The following RBFOX3 variants were observed in gnomAD, a reference collection of about 807,000 sequenced individuals.
RBFOX3 encodes RNA binding fox-1 homolog 3.
RBFOX3 carries 17 observed loss-of-function variants against 48.7 expected under a neutral mutation model. That is an observed-to-expected ratio of 0.35 (90% CI 0.24 to 0.52). The LOEUF (loss-of-function observed/expected upper bound fraction) is 0.52. Ranked by LOEUF, RBFOX3 falls within the 20% of genes least tolerant of loss-of-function variation. RBFOX3 has a pLI of 0.94. For missense variants in RBFOX3, 382 were observed against 497.5 expected (o/e 0.77, Z 2.21); for synonymous variants, 212 against 209.5 (o/e 1.01, Z -0.10).
At chr17:79,279,948 T>C (rs2069869043) in intron 3 of RBFOX3, among the ~76,000 whole-genome samples, 1 of 152,208 alleles carries the variant, frequency 6.6e-6, no homozygotes, top group African/African-American at 2.4e-5. Flanking sequence ...TGTCTGTGTG[T>C]GTGCCTGGTG....
chr17:79,664,465 G>A, the RBFOX3 span, among the ~76,000 whole-genome samples: 1 of 151,636 alleles, frequency 6.6e-6, no homozygotes, highest in African/African-American at 2.4e-5. Context: ...TCCTGCCTCA[G>A]GCTCCCGAGT....
At chr17:79,588,189 C>T (rs1033850746) in intron 1 of RBFOX3, among the ~76,000 whole-genome samples, 11 of 152,164 alleles carry the variant, frequency 7.2e-5, no homozygotes, top group Non-Finnish European at 2.9e-5. Flanking sequence ...GTTGCTGGAG[C>T]TGGACCATGC....
chr17:79,453,059 G>A (rs1488561481), intron 2 of RBFOX3, among the ~76,000 whole-genome samples: 1 of 152,244 alleles, frequency 6.6e-6, no homozygotes, highest in Non-Finnish European at 1.5e-5. Flanking sequence ...CCTCCCTCAG[G>A]AGATTGCTTT....
intron 2 of RBFOX3, among the ~76,000 whole-genome samples, chr17:79,456,696 G>C (rs560535664): frequency 1.3e-5 from 2 of 152,098 alleles, no homozygotes; most frequent in Non-Finnish European, 2.9e-5. Flanking sequence ...TCAGACCCCC[G>C]GGAGTTCCCA....
At chr17:79,235,508 T>G (rs1371215118) in intron 4 of RBFOX3, 1 of 152,908 alleles carries the variant, frequency 6.5e-6, no homozygotes, top group Non-Finnish European at 1.5e-5. Flanking sequence ...ATTTATCCAT[T>G]TCCCTTTCAG....
At chr17:79,370,325 G>A (rs763440061) in intron 2 of RBFOX3, among the ~76,000 whole-genome samples, 3 of 152,182 alleles carry the variant, frequency 2.0e-5, no homozygotes, top group African/African-American at 7.2e-5. Context: ...CCCAGTGCCT[G>A]AGCCCCACCC....
intron 1 of RBFOX3, among the ~76,000 whole-genome samples, chr17:79,572,838 C>T (rs1049457662): frequency 1.3e-5 from 2 of 152,176 alleles, no homozygotes; most frequent in African/African-American, 4.8e-5. Flanking sequence ...AGGCTGGCCA[C>T]CCGTGCTGCC....
chr17:79,107,391 C>T (rs750238754), intron 5 of RBFOX3, among the ~76,000 whole-genome samples: 4 of 152,374 alleles, frequency 2.6e-5, no homozygotes, highest in Non-Finnish European at 5.9e-5. Flanking sequence ...TCCTCTATAG[C>T]CCCCATTTGG....
intron 1 of RBFOX3, among the ~76,000 whole-genome samples, chr17:79,591,525 A>G (rs1466248942): frequency 6.6e-6 from 1 of 152,200 alleles, no homozygotes; most frequent in African/African-American, 2.4e-5. Context: ...AGCCAGGCAC[A>G]GCGCCAAAGG....
intron 1 of RBFOX3, among the ~76,000 whole-genome samples, chr17:79,483,599 G>T (rs2079098670): frequency 6.7e-6 from 1 of 149,708 alleles, no homozygotes; most frequent in African/African-American, 2.5e-5. Flanking sequence ...TCCCCCCAGG[G>T]ACTTAGCACA....
intron 4 of RBFOX3, among the ~76,000 whole-genome samples, chr17:79,157,906 C>A (rs990445352): frequency 2.0e-5 from 3 of 152,210 alleles, no homozygotes; most frequent in African/African-American, 7.2e-5. Flanking sequence ...TGGGGCTAGA[C>A]GGCCCTGGGG....
At chr17:79,504,485 A>G (rs905977777) in intron 1 of RBFOX3, among the ~76,000 whole-genome samples, 2 of 152,200 alleles carry the variant, frequency 1.3e-5, no homozygotes, top group Admixed American at 1.3e-4. Flanking sequence ...CCAGTTCCCT[A>G]GTTGAAGTCA....
intron 2 of RBFOX3, among the ~76,000 whole-genome samples, chr17:79,402,063 AC>A (rs1182449647): frequency 6.6e-6 from 1 of 152,172 alleles, no homozygotes; most frequent in Non-Finnish European, 1.5e-5. Context: ...TCTGTGGCCC[AC>A]CACCAGGAGC....
At chr17:79,555,918 CAAT>C (rs1325113117) in intron 1 of RBFOX3, among the ~76,000 whole-genome samples, 4 of 151,890 alleles carry the variant, frequency 2.6e-5, no homozygotes, top group African/African-American at 7.2e-5. Context: ...GTGTTGGCAA[CAAT>C]GACAACAATT....
intron 2 of RBFOX3, among the ~76,000 whole-genome samples, chr17:79,378,285 T>C (rs896892827): frequency 2.6e-5 from 4 of 151,612 alleles, no homozygotes; most frequent in South Asian, 2.1e-4. Context: ...CCTAGAAGAG[T>C]CCAAGAGGGG....
rs995880419 is a variant in RBFOX3, at chr17:79,243,262, C to T, written c.-73-7457G>A. ...CTGATTATTCTGCTCAGGCCAAGCA[C>T]TCCCGGATAAACCCTGGAGTGTCAG... On this transcript the variant is annotated intron_variant, in intron 3 of 14. Transcript: ENST00000693108. This position sits in a 1 kb window ranked among gnomAD's most constrained non-coding sequence, Gnocchi z 7.9. 2.0e-5 allele frequency among the ~76,000 whole-genome samples: 3 copies of T among 152,254 alleles called. No homozygotes were observed. The South Asian group carries it at 6.2e-4, about 32-fold the overall frequency.
chr17:79,137,379 C>T (rs1327910443), intron 4 of RBFOX3, among the ~76,000 whole-genome samples: 1 of 152,226 alleles, frequency 6.6e-6, no homozygotes, highest in East Asian at 1.9e-4. Context: ...ACCCCCAGGC[C>T]ATTGTGAAAT....
chr17:79,323,913 T>C (rs1236529504), intron 2 of RBFOX3, among the ~76,000 whole-genome samples: 2 of 152,244 alleles, frequency 1.3e-5, no homozygotes, highest in Non-Finnish European at 2.9e-5. Context: ...GAACTCAGGA[T>C]CTTGCATTTC....
At chr17:79,451,955 C>CA (rs1555741913) in intron 2 of RBFOX3, among the ~76,000 whole-genome samples, 1 of 152,228 alleles carries the variant, frequency 6.6e-6, no homozygotes, top group Non-Finnish European at 1.5e-5. Flanking sequence ...CTCATCCACA[C>CA]AAATTACAGG....
Sources: gnomAD v4.1 joint callset for allele counts (sites outside exome capture counted in the v4.1 genomes callset) on GRCh38, gnomAD v4.1.1 for gene constraint, Gnocchi (gnomAD v3.1) non-coding constraint, MANE v1.5 for transcripts, NCBI Gene and HGNC (gene_info 2026-07-23, HGNC 2026-07-21) for gene names.